SNED1: variants seen among roughly 807,000 people sequenced by gnomAD.
SNED1 encodes the protein sushi, nidogen and EGF-like domain-containing protein 1.
In SNED1, 81 loss-of-function variants were observed where a neutral mutation model predicts 166.7. The observed-to-expected ratio is 0.49, with a 90% CI of 0.41 to 0.58. The LOEUF (loss-of-function observed/expected upper bound fraction) is 0.58. Ranked by LOEUF, SNED1 falls within the 20% of genes least tolerant of loss-of-function variation. SNED1 has a pLI of 0.00. For synonymous variants in SNED1, 762 were observed against 822.0 expected, an observed-to-expected ratio of 0.93 and a Z score of 1.25; for missense variants, 1,604 against 2,000.2, an observed-to-expected ratio of 0.80 and a Z score of 3.78.
intron 29 of SNED1, among the ~76,000 whole-genome samples, chr2:241,085,978 C>T (rs1288766492): frequency 1.3e-5 from 2 of 151,172 alleles, no homozygotes; most frequent in Non-Finnish European, 2.9e-5. Flanking sequence ...AGCTATTCTC[C>T]TGCCTCAGAC....
intron 29 of SNED1, among the ~76,000 whole-genome samples, chr2:241,084,489 T>G (rs1017144742): frequency 6.6e-6 from 1 of 152,100 alleles, no homozygotes; most frequent in Non-Finnish European, 1.5e-5. Context: ...CATCTTCAAC[T>G]TCACGCCGCA....
intron 1 of SNED1, among the ~76,000 whole-genome samples, chr2:241,015,437 T>G (rs2060549345): frequency 6.6e-6 from 1 of 152,214 alleles, no homozygotes; most frequent in African/African-American, 2.4e-5. Context: ...AATTGATTTT[T>G]TACATTTTCT....
At chr2:241,016,375 T>G (rs1341546062) in intron 1 of SNED1, among the ~76,000 whole-genome samples, 2 of 151,922 alleles carry the variant, frequency 1.3e-5, no homozygotes, top group African/African-American at 4.8e-5. Context: ...CTTTTTGTAT[T>G]TTTTTAGTAG....
intron 8 of SNED1, among the ~76,000 whole-genome samples, chr2:241,045,889 C>T (rs994538610): frequency 4.6e-5 from 7 of 152,196 alleles, no homozygotes; most frequent in Non-Finnish European, 1.0e-4. Context: ...CAGGAGAAAA[C>T]GTTTGCAAAA....
chr2:241,061,161 A>T (rs1049570962), intron 16 of SNED1, among the ~76,000 whole-genome samples: 11 of 152,124 alleles, frequency 7.2e-5, no homozygotes, highest in African/African-American at 2.7e-4. Flanking sequence ...TACATGAAGA[A>T]CTCTGATAAA....
rs2063737594 is a variant in SNED1 at position 241,089,003 on chromosome 2, TC to T, written c.*1+603del. On this transcript the variant is annotated intron_variant, in intron 31 of 31. Transcript: ENST00000310397. The stretch of plus-strand genomic sequence containing the variant: ...CATAAATCCTGACGTGAAAGGAACT[TC>T]CTCTCGCCTTTGTTTAAGCCAGCAT... The T allele has an allele frequency of 4.7e-5, 14 of 298,794 alleles. 1 individual carries two copies. The South Asian group carries it at 8.1e-4, about 17-fold the overall frequency. The allele number at this position is 298,794 out of a possible 1,614,324, so 18.5% of individuals were successfully genotyped here.
intron 1 of SNED1, among the ~76,000 whole-genome samples, chr2:241,008,004 C>G (rs2060271706): frequency 2.0e-5 from 3 of 152,230 alleles, no homozygotes; most frequent in Admixed American, 2.0e-4. Flanking sequence ...TTCTGTCTGC[C>G]ACTGCCCAGA....
At chr2:241,000,146 C>G (rs1252193405) in intron 1 of SNED1, among the ~76,000 whole-genome samples, 1 of 152,172 alleles carries the variant, frequency 6.6e-6, no homozygotes, top group Non-Finnish European at 1.5e-5. Context: ...CCCATGGTCC[C>G]CAGCTTCCCG....
chr2:241,025,044 A>C (rs1323835477), intron 1 of SNED1, among the ~76,000 whole-genome samples: 2 of 152,156 alleles, frequency 1.3e-5, no homozygotes, highest in African/African-American at 4.8e-5. Flanking sequence ...ATTACCCTAG[A>C]CCAGGGGTCC....
rs1348015457 is a variant in SNED1, at chr2:241,089,582, T to C, written c.*1+1180T>C. Among the ~76,000 whole-genome samples the C allele has an allele frequency of 2.0e-5, 3 of 152,100 alleles. No homozygotes were observed. In the East Asian group the frequency reaches 5.8e-4, roughly 29 times the overall value. ...TGCCTCTTCGGATGTGGAAAGTCTC[T>C]CCATAAGAGAGTAGCCGGCAGCATT... On this transcript the variant is annotated intron_variant, in intron 31 of 31. Coordinates refer to ENST00000310397, the MANE Select transcript of SNED1 (RefSeq NM_001080437.3).
rs1380734070 is a variant in SNED1 at position 241,090,355 on chromosome 2, C to G, written c.*2-1283C>G. 8 of 1,550,194 alleles carry G rather than the reference C, an allele frequency of 5.2e-6. No homozygotes were observed. In the East Asian group the frequency reaches 2.0e-4, roughly 38 times the overall value. ...GTAACACACATGGAGCTGCCACCTCCTGTGACAATGATGCCTTCTTCTGGA... is the reference window on the plus strand; with the variant it reads ...GTAACACACATGGAGCTGCCACCTCGTGTGACAATGATGCCTTCTTCTGGA... On this transcript the variant is annotated intron_variant, in intron 31 of 31. Coordinates refer to ENST00000310397, the MANE Select transcript of SNED1 (RefSeq NM_001080437.3).
rs556342090 is a variant in SNED1, at chr2:241,064,733, G to A, written c.2600-111G>A. On this transcript the variant is annotated intron_variant, in intron 19 of 31. Transcript: ENST00000310397. The surrounding 1 kb of genome is among the most constrained non-coding windows in gnomAD (Gnocchi z 7.0). ...AGGCAGTAGCTGTCCTGTGCCCCCC[G>A]CCCCTCCACACCCACGCAGGAGGGA... is the stretch of plus-strand genomic sequence containing the variant. 3.6e-5 allele frequency: 26 copies of A among 718,876 alleles called. No individual in the cohort carries two copies. The highest frequency in any genetic ancestry group is 1.5e-4 in the African/African-American group (8 of 53,164). 44.5% of individuals were successfully genotyped at this position (718,876 alleles called of 1,614,324 possible).
At chr2:241,061,546 C>T (rs1244001921) in intron 16 of SNED1, among the ~76,000 whole-genome samples, 1 of 152,154 alleles carries the variant, frequency 6.6e-6, no homozygotes, top group Non-Finnish European at 1.5e-5. Flanking sequence ...AACTTCACGT[C>T]TGCACCAGGA....
At chr2:241,048,944 G>A (rs1362507816) in intron 10 of SNED1, 78 bp from the exon 11 acceptor site, 28 of 1,360,980 alleles carry the variant, frequency 2.1e-5, no homozygotes, top group Non-Finnish European at 2.5e-5. Flanking sequence ...GTCTTGGGAG[G>A]CCCCATCCTT....
intron 29 of SNED1, 98 bp downstream of exon 29, chr2:241,082,462 A>G: frequency 1.2e-6 from 1 of 840,664 alleles, no homozygotes; most frequent in Non-Finnish European, 1.9e-6. Context: ...CTGAGGAGGG[A>G]CGATGGCTGC....
chr2:241,055,874 T>C (rs984996322), intron 16 of SNED1, among the ~76,000 whole-genome samples: 1 of 152,234 alleles, frequency 6.6e-6, no homozygotes, highest in African/African-American at 2.4e-5. Flanking sequence ...AAAACCAATC[T>C]TGAGCTGAAA....
chr2:241,048,541 T>G (rs2061731661), intron 9 of SNED1, 101 bp downstream of exon 9: 1 of 1,494,998 alleles, frequency 6.7e-7, no homozygotes, highest in Non-Finnish European at 9.0e-7. Flanking sequence ...AAAAGAAACG[T>G]GTGAGTGCGC....
At chr2:241,080,875 A>T (rs1280791423) in intron 27 of SNED1, among the ~76,000 whole-genome samples, 5 of 152,226 alleles carry the variant, frequency 3.3e-5, no homozygotes, top group Admixed American at 3.3e-4. Context: ...ACCACGGGGT[A>T]GGTGAGGGAA....
chr2:241,034,826 G>T, intron 4 of SNED1, 96 bp downstream of exon 4: 1 of 1,333,962 alleles, frequency 7.5e-7, no homozygotes, highest in Non-Finnish European at 1.0e-6. Context: ...GGATGCTGAC[G>T]GGGAGAGCAG....
Sources: allele counts gnomAD v4.1 joint callset (sites outside exome capture counted in the v4.1 genomes callset), GRCh38; gene constraint gnomAD v4.1.1; non-coding constraint Gnocchi (gnomAD v3.1); transcripts MANE v1.5; gene names NCBI Gene and HGNC (gene_info 2026-07-23, HGNC 2026-07-21).